Variants in LYPD6B observed in about 807,000 individuals in gnomAD.
LYPD6B encodes ly6/PLAUR domain-containing protein 6B.
LYPD6B carries 17 observed loss-of-function variants against 22.8 expected under a neutral mutation model. That is an observed-to-expected ratio of 0.75 (90% CI 0.51 to 1.12). LYPD6B has a LOEUF of 1.12. Among genes scored for constraint, LYPD6B ranks in the 50% most tolerant of loss-of-function variants. The pLI, the probability that LYPD6B is intolerant of heterozygous loss-of-function variation, is 0.00. For synonymous variants in LYPD6B, 106 were observed against 91.6 expected, an observed-to-expected ratio of 1.16 and a Z score of -0.90; for missense variants, 221 against 258.3, an observed-to-expected ratio of 0.86 and a Z score of 0.99.
At chr2:149,189,342 T>TTATATATATATATATATATG (rs1692330564) in intron 3 of LYPD6B, among the ~76,000 whole-genome samples, 1 of 66,114 alleles carries the variant, frequency 1.5e-5, no homozygotes, top group Non-Finnish European at 2.9e-5. Context: ...TTGTCCAAAA[T>TTATATATATATATATATATG]TATATATATA....
At chr2:149,163,913 A>T (rs1690254323) in intron 3 of LYPD6B, among the ~76,000 whole-genome samples, 1 of 152,214 alleles carries the variant, frequency 6.6e-6, no homozygotes, top group African/African-American at 2.4e-5. Flanking sequence ...CATCATAGGA[A>T]AGAAAGTGAA....
chr2:149,187,169 G>A (rs769621418), intron 3 of LYPD6B, among the ~76,000 whole-genome samples: 3 of 152,130 alleles, frequency 2.0e-5, no homozygotes, highest in Non-Finnish European at 2.9e-5. Context: ...CAGTAGTCTG[G>A]AATCAAACCC....
intron 1 of LYPD6B, among the ~76,000 whole-genome samples, chr2:149,107,721 T>G (rs889623061): frequency 6.6e-6 from 1 of 152,228 alleles, no homozygotes; most frequent in Non-Finnish European, 1.5e-5. Flanking sequence ...CTCTATTATA[T>G]TCAAAGAACA....
intron 3 of LYPD6B, among the ~76,000 whole-genome samples, chr2:149,177,982 C>G (rs1691442343): frequency 6.6e-6 from 1 of 151,916 alleles, no homozygotes; most frequent in East Asian, 1.9e-4. Context: ...ATAATTTACT[C>G]TGTACTATAT....
intron 1 of LYPD6B, among the ~76,000 whole-genome samples, chr2:149,114,048 T>C (rs1476661640): frequency 6.6e-6 from 1 of 152,144 alleles, no homozygotes; most frequent in Non-Finnish European, 1.5e-5. Flanking sequence ...GAAAGCTCAA[T>C]AAAGCAAAGG....
chr2:149,097,706 GT>G, intron 1 of LYPD6B, among the ~76,000 whole-genome samples: 1 of 152,268 alleles, frequency 6.6e-6, no homozygotes, highest in Non-Finnish European at 1.5e-5. Context: ...AGAAAGCAGA[GT>G]TTTTGGATTC....
At chr2:149,139,762 G>A (rs1688577613) in intron 2 of LYPD6B, among the ~76,000 whole-genome samples, 4 of 152,194 alleles carry the variant, frequency 2.6e-5, no homozygotes, top group African/African-American at 9.7e-5. Context: ...ACTTAAAGAA[G>A]AGAACTTGTT....
intron 2 of LYPD6B, among the ~76,000 whole-genome samples, chr2:149,133,760 TG>T (rs1023061150): frequency 1.3e-5 from 2 of 152,182 alleles, no homozygotes; most frequent in African/African-American, 4.8e-5. Context: ...CTTCATTCAG[TG>T]TACTTCAGTG....
At chr2:149,188,859 G>C (rs1408697511) in intron 3 of LYPD6B, 1 of 161,080 alleles carries the variant, frequency 6.2e-6, no homozygotes, top group Non-Finnish European at 1.3e-5. Context: ...CGAGGTCATT[G>C]TTTTCTATTA....
At chr2:149,137,977 C>T (rs1234549170) in intron 2 of LYPD6B, among the ~76,000 whole-genome samples, 8 of 152,162 alleles carry the variant, frequency 5.3e-5, no homozygotes, top group Admixed American at 5.2e-4. Context: ...TCTTTTCACT[C>T]TTTATAAAGT....
intron 3 of LYPD6B, among the ~76,000 whole-genome samples, chr2:149,179,173 C>T (rs1238749011): frequency 6.6e-6 from 1 of 152,156 alleles, no homozygotes; most frequent in Non-Finnish European, 1.5e-5. Context: ...CAAAGGGAGG[C>T]TTGTGTATTG....
Position 149,199,473 on chromosome 2 carries a change from G to C in LYPD6B, c.78-5780G>C, listed in dbSNP as rs542860174. On this transcript the variant is annotated intron_variant, in intron 3 of 6. Coordinates refer to ENST00000409642, the MANE Select transcript of LYPD6B (RefSeq NM_177964.5). ...GGACGGTGTGCTCAGTACAGTACCT[G>C]GTACAAATGCATGACTTATAATTGC... Among the ~76,000 whole-genome samples, 3 of 152,260 alleles carry C rather than the reference G, an allele frequency of 2.0e-5. No individual in the cohort carries two copies. The East Asian group carries it at 5.8e-4, about 29-fold the overall frequency.
Position 149,208,405 on chromosome 2 carries a change from T to C in LYPD6B, c.321T>C (p.Cys107=), listed in dbSNP as rs772166219. 3.1e-6 allele frequency: 5 copies of C among 1,612,382 alleles called. No homozygotes were observed. Among genetic ancestry groups the C allele is most frequent in the Admixed American group, 1.7e-5 (1 of 59,988 alleles). Reference sequence around the variant, plus strand: ...ATCGATGGGCAGAAGACAAATGGTGTCCACAAAGTAAGTGTGCTGAGTTTG... The same window carrying C: ...ATCGATGGGCAGAAGACAAATGGTGCCCACAAAGTAAGTGTGCTGAGTTTG... ...NCNRWAEDKW[C]PQNTQYCLTV... The change falls in exon 5 of 7, where the codon TGT becomes TGC. Residue 107 remains cysteine, a synonymous_variant. Coordinates refer to ENST00000409642, the MANE Select transcript of LYPD6B (RefSeq NM_177964.5).
At chr2:149,140,672 C>T (rs993166331) in intron 2 of LYPD6B, among the ~76,000 whole-genome samples, 2 of 152,168 alleles carry the variant, frequency 1.3e-5, no homozygotes, top group African/African-American at 2.4e-5. Flanking sequence ...GTGTTGTATT[C>T]CCCACACTGG....
At chr2:149,045,012 T>C (rs1683247606) in intron 1 of LYPD6B, among the ~76,000 whole-genome samples, 1 of 152,044 alleles carries the variant, frequency 6.6e-6, no homozygotes, top group African/African-American at 2.4e-5. Context: ...ATTTATTCCT[T>C]CAGTGTTTGG....
chr2:149,187,734 G>A (rs1575146622), intron 3 of LYPD6B: 1 of 426,186 alleles, frequency 2.3e-6, no homozygotes, highest in Non-Finnish European at 4.2e-6. Context: ...TAGCTGATAA[G>A]CTGAAAAAAA....
intron 1 of LYPD6B, among the ~76,000 whole-genome samples, chr2:149,044,074 CT>C (rs889504531): frequency 2.6e-5 from 4 of 152,004 alleles, no homozygotes; most frequent in African/African-American, 9.7e-5. Context: ...GGCCCTCCAA[CT>C]TTATTCTTTT....
intron 1 of LYPD6B, among the ~76,000 whole-genome samples, chr2:149,067,199 G>T (rs545048194): frequency 9.9e-5 from 15 of 152,070 alleles, no homozygotes; most frequent in Non-Finnish European, 1.6e-4. Flanking sequence ...CACTCTGCAG[G>T]TGGTTCTTAT....
At chr2:149,071,750 T>C (rs1285967366) in intron 1 of LYPD6B, among the ~76,000 whole-genome samples, 1 of 152,112 alleles carries the variant, frequency 6.6e-6, no homozygotes, top group African/African-American at 2.4e-5. Context: ...ATAAACAATG[T>C]CATTTGGAGA....
Sources: gnomAD v4.1 joint callset for allele counts (sites outside exome capture counted in the v4.1 genomes callset) on GRCh38, gnomAD v4.1.1 for gene constraint, MANE v1.5 for transcripts, NCBI Gene and HGNC (gene_info 2026-07-23, HGNC 2026-07-21) for gene names.